The following SPATA7 variants were observed in gnomAD, a reference collection of about 807,000 sequenced individuals.
SPATA7 encodes the protein spermatogenesis associated 7, also known as spermatogenesis-associated protein 7.
A neutral mutation model predicts 51.8 loss-of-function variants in SPATA7; 43 were observed. The ratio of observed to expected loss-of-function variants is 0.83; its 90% CI spans 0.65 to 1.07. SPATA7 has a LOEUF of 1.07. Ranked by LOEUF, SPATA7 falls within the 50% of genes least tolerant of loss-of-function variation. The pLI, the probability that SPATA7 is intolerant of heterozygous loss-of-function variation, is 0.00. For missense variants in SPATA7, 683 were observed against 701.3 expected, an observed-to-expected ratio of 0.97 and a Z score of 0.30; for synonymous variants, 230 against 252.8, an observed-to-expected ratio of 0.91 and a Z score of 0.86.
In SPATA7 at chr14:88,424,583, T is replaced by A. The variant is rs138718098; in HGVS notation, c.373-1649T>A. Among the ~76,000 whole-genome samples, 571 of 152,336 alleles carry A rather than the reference T, an allele frequency of 3.7e-3. 6 individuals are homozygous for A. The highest frequency in any genetic ancestry group is 0.013 in the African/African-American group (551 of 41,594). On this transcript the variant is annotated intron_variant, in intron 5 of 11. Coordinates refer to ENST00000393545, the MANE Select transcript of SPATA7 (RefSeq NM_018418.5). ...TCTCAGTTTGTGCTGTTCTTCTAAG[T>A]GTAAATAATTCCTGTGCTTATTAAT...
downstream of SPATA7, among the ~76,000 whole-genome samples, chr14:88,459,794 A>C (rs184363126): frequency 6.6e-6 from 1 of 152,314 alleles, no homozygotes; most frequent in East Asian, 1.9e-4. Flanking sequence ...TAGTTGATGC[A>C]GTTTCTTCCT....
At chr14:88,463,780 ACT>A (rs577800832) in intron 4 of SPATA7, among the ~76,000 whole-genome samples, 5 of 151,780 alleles carry the variant, frequency 3.3e-5, no homozygotes, top group South Asian at 2.1e-4. Context: ...GTTTTCTAAA[ACT>A]CTCTCTACCC....
intron 4 of SPATA7, among the ~76,000 whole-genome samples, chr14:88,413,967 G>A (rs2076408132): frequency 6.6e-6 from 1 of 151,982 alleles, no homozygotes; most frequent in Admixed American, 6.6e-5. Flanking sequence ...TATTTGTTGA[G>A]CATTTTTGTG....
At chr14:88,394,924 A>T in intron 3 of SPATA7, among the ~76,000 whole-genome samples, 1 of 152,082 alleles carries the variant, frequency 6.6e-6, no homozygotes, top group Admixed American at 6.6e-5. Flanking sequence ...CTTTGGTGAA[A>T]TGACTGTTCA....
At chr14:88,388,054 T>G (rs1378215646) in intron 1 of SPATA7, among the ~76,000 whole-genome samples, 2 of 151,976 alleles carry the variant, frequency 1.3e-5, no homozygotes, top group East Asian at 3.9e-4. Flanking sequence ...ATACAAAAAT[T>G]AGCCAGGCAT....
chr14:88,458,018 C>A (rs901760003), downstream of SPATA7, among the ~76,000 whole-genome samples: 3 of 152,000 alleles, frequency 2.0e-5, no homozygotes, highest in African/African-American at 7.3e-5. Context: ...TCTTTATATG[C>A]TGGATTACAT....
intron 3 of SPATA7, among the ~76,000 whole-genome samples, chr14:88,443,906 CA>C (rs1205423491): frequency 6.6e-6 from 1 of 152,018 alleles, no homozygotes; most frequent in Non-Finnish European, 1.5e-5. Flanking sequence ...GGGTTGGTTC[CA>C]AGTCTTTGCT....
rs373792769 is a variant in SPATA7 at position 88,469,747 on chromosome 14, G to A, written c.255-100G>A. 1.1e-5 allele frequency: 17 copies of A among 1,613,278 alleles called. No homozygotes were observed. The highest frequency in any genetic ancestry group is 1.4e-5 in the Non-Finnish European group (16 of 1,179,234). ...CCTTCCACCCTCCTGTTAAAGATGA[G>A]CATGGTTAAATGACTCGAGATCCGG... is the stretch of plus-strand genomic sequence containing the variant. On this transcript the variant is annotated intron_variant, in intron 4 of 4. Transcript: ENST00000556406. The surrounding 1 kb of genome is among the most constrained non-coding windows in gnomAD (Gnocchi z 4.3).
intron 5 of SPATA7, among the ~76,000 whole-genome samples, chr14:88,424,141 C>G (rs545869338): frequency 9.3e-4 from 141 of 152,232 alleles, no homozygotes; most frequent in African/African-American, 3.3e-3. Context: ...TTGATGAACC[C>G]TTTTCTGATT....
chr14:88,396,107 C>T, intron 3 of SPATA7, 49 bp from the exon 4 acceptor site: 1 of 1,468,656 alleles, frequency 6.8e-7, no homozygotes, highest in Middle Eastern at 1.9e-4. Flanking sequence ...TGGTATTTGT[C>T]ATTTATAAAT....
intron 4 of SPATA7, among the ~76,000 whole-genome samples, chr14:88,405,071 C>T (rs368193649): frequency 1.3e-5 from 2 of 152,010 alleles, no homozygotes; most frequent in South Asian, 2.1e-4. Context: ...TGAGCAGAGA[C>T]CTGAAAGAAT....
At chr14:88,427,827 A>G (rs2076838699) in intron 7 of SPATA7, 131 bp downstream of exon 7, 1 of 706,104 alleles carries the variant, frequency 1.4e-6, no homozygotes, top group Non-Finnish European at 2.5e-6. Context: ...TGATATAGCC[A>G]GTATACAGAA....
At chr14:88,427,351 A>G (rs2076822369) in intron 6 of SPATA7, among the ~76,000 whole-genome samples, 1 of 152,238 alleles carries the variant, frequency 6.6e-6, no homozygotes, top group Admixed American at 6.5e-5. Flanking sequence ...TTTTTCTAGT[A>G]TTACATAAAC....
intron 3 of SPATA7, among the ~76,000 whole-genome samples, chr14:88,448,218 G>A (rs1049411038): frequency 4.5e-4 from 69 of 151,930 alleles, no homozygotes; most frequent in East Asian, 1.4e-3. Context: ...TTCCCTTCCC[G>A]CTTCATTTCA....
At position 88,416,583 on chromosome 14, in the gene SPATA7, T is replaced by C. The variant is rs1305978890; in HGVS notation, c.239-128T>C. On this transcript the variant is annotated intron_variant, in intron 4 of 11. Transcript: ENST00000393545. Reference sequence around the variant, plus strand: ...GTTAGTAACTCTTTATATAGGAAAATAAATGGATTTTTATTTACATATCAT... The same window carrying C: ...GTTAGTAACTCTTTATATAGGAAAACAAATGGATTTTTATTTACATATCAT... 10 of 909,548 alleles carry C rather than the reference T, an allele frequency of 1.1e-5. No individual in the cohort carries two copies. In the East Asian group the frequency reaches 1.5e-4, roughly 14 times the overall value. The allele number at this position is 909,548 out of a possible 1,614,324, so 56.3% of individuals were successfully genotyped here. A position where few individuals can be genotyped will look rare whatever the true frequency, so the allele number is the denominator to read the frequency against.
intron 1 of SPATA7, 129 bp from the exon 2 acceptor site, chr14:88,391,252 C>T (rs538433026): frequency 6.8e-5 from 54 of 793,488 alleles, no homozygotes; most frequent in East Asian, 6.7e-4. Context: ...CTACTAAAAA[C>T]GCAATCACCT....
downstream of SPATA7, among the ~76,000 whole-genome samples, chr14:88,441,432 C>T (rs2077178213): frequency 6.6e-6 from 1 of 152,160 alleles, no homozygotes; most frequent in African/African-American, 2.4e-5. Context: ...ACACTGTTTT[C>T]CATAGTGGTT....
chr14:88,439,394 A>G (rs938792197), downstream of SPATA7, among the ~76,000 whole-genome samples: 6 of 152,122 alleles, frequency 3.9e-5, no homozygotes, highest in African/African-American at 1.4e-4. Flanking sequence ...CTATTAGAAC[A>G]TGGCCCAGCA....
At chr14:88,459,451 G>A (rs2077303575), downstream of SPATA7, among the ~76,000 whole-genome samples, 1 of 152,176 alleles carries the variant, frequency 6.6e-6, no homozygotes, top group Non-Finnish European at 1.5e-5. Flanking sequence ...TCTTCTTGTT[G>A]AATTGATCCC....
Sources: allele counts gnomAD v4.1 joint callset (sites outside exome capture counted in the v4.1 genomes callset), GRCh38; gene constraint gnomAD v4.1.1; non-coding constraint Gnocchi (gnomAD v3.1); transcripts MANE v1.5; gene names NCBI Gene and HGNC (gene_info 2026-07-23, HGNC 2026-07-21).